USP46: variants seen among roughly 807,000 people sequenced by gnomAD.
USP46 encodes the protein ubiquitin carboxyl-terminal hydrolase 46.
A neutral mutation model predicts 44.4 loss-of-function variants in USP46; 12 were observed. The ratio of observed to expected loss-of-function variants is 0.27; its 90% confidence interval spans 0.17 to 0.44. USP46 has a LOEUF of 0.44. Ranked by LOEUF, USP46 falls within the 20% of genes least tolerant of loss-of-function variation. USP46 has a pLI of 1.00. For missense variants in USP46, 248 were observed against 444.8 expected (o/e 0.56, Z 3.98); for synonymous variants, 155 against 161.5 (o/e 0.96, Z 0.31).
chr4:52,656,876 T>C (rs917405046), intron 1 of USP46, among the ~76,000 whole-genome samples: 5 of 151,448 alleles, frequency 3.3e-5, no homozygotes, highest in African/African-American at 1.2e-4. Context: ...CCAGTCTCTA[T>C]GGAAAATTTA....
intron 1 of USP46, among the ~76,000 whole-genome samples, chr4:52,652,034 G>A (rs1440008036): frequency 6.6e-6 from 1 of 151,950 alleles, no homozygotes; most frequent in Non-Finnish European, 1.5e-5. Flanking sequence ...CATTGTCCCT[G>A]TTTTCAGACA....
intron 4 of USP46, among the ~76,000 whole-genome samples, chr4:52,620,311 G>A (rs1039531631): frequency 1.3e-5 from 2 of 152,210 alleles, no homozygotes; most frequent in Admixed American, 6.5e-5. Flanking sequence ...CAGTGTTACT[G>A]TAGAGTCTGG....
At chr4:52,641,005 G>C (rs1396553972) in intron 1 of USP46, among the ~76,000 whole-genome samples, 1 of 151,678 alleles carries the variant, frequency 6.6e-6, no homozygotes, top group Non-Finnish European at 1.5e-5. Context: ...TGGCTGAGAG[G>C]CTGGGCTGTT....
intron 7 of USP46, among the ~76,000 whole-genome samples, chr4:52,600,299 C>A (rs982548347): frequency 6.6e-6 from 1 of 152,116 alleles, no homozygotes; most frequent in African/African-American, 2.4e-5. Flanking sequence ...CCTGCTGCAA[C>A]TGTGGGCCAG....
intron 1 of USP46, chr4:52,658,354 C>A: frequency 2.2e-6 from 1 of 447,960 alleles, no homozygotes; most frequent in South Asian, 1.6e-5. Context: ...CGGACTGCAT[C>A]AGAACCCAGT....
rs537463025 is a variant in USP46, at chr4:52,626,371, A to G, written c.332-124T>C. 1.3e-5 allele frequency: 10 copies of G among 782,876 alleles called. No individual in the cohort carries two copies. In the East Asian group the frequency reaches 2.4e-4, roughly 19 times the overall value. 48.5% of individuals were successfully genotyped at this position (782,876 alleles called of 1,614,324 possible). ...TGGAGTCTCGCTGTGTCGCCAGGCT[A>G]GAGCGTAGTGGCATGATCTCAGTTC... On this transcript the variant is annotated intron_variant, in intron 3 of 8. Coordinates refer to ENST00000441222, the MANE Select transcript of USP46 (RefSeq NM_022832.4).
At chr4:52,604,972 G>C (rs1716630507) in intron 5 of USP46, among the ~76,000 whole-genome samples, 1 of 152,134 alleles carries the variant, frequency 6.6e-6, no homozygotes, top group African/African-American at 2.4e-5. Flanking sequence ...AAATACTGTT[G>C]AGTAAAAGTT....
Position 52,616,124 on chromosome 4 carries a change from A to C in USP46, c.562-5507T>G, listed in dbSNP as rs1269326574. 2.0e-5 allele frequency among the ~76,000 whole-genome samples: 3 copies of C among 152,326 alleles called. No individual in the cohort carries two copies. In the East Asian group the frequency reaches 5.8e-4, roughly 29 times the overall value. On this transcript the variant is annotated intron_variant, in intron 4 of 8. Transcript: ENST00000441222. ...TATTCTTTTCAACTAAGTAGTTCTC[A>C]ACAGGGGAAATTTGGCTTCCAGGAG...
chr4:52,619,692 T>G (rs1717308315), intron 4 of USP46, among the ~76,000 whole-genome samples: 1 of 152,164 alleles, frequency 6.6e-6, no homozygotes, highest in African/African-American at 2.4e-5. Context: ...TTCTAACAAT[T>G]AGAGCTTTCT....
At chr4:52,656,588 A>C in intron 1 of USP46, 1 of 1,298,514 alleles carries the variant, frequency 7.7e-7, no homozygotes, top group Non-Finnish European at 9.8e-7. Flanking sequence ...AGATGACATA[A>C]CAATGAGAAA....
chr4:52,646,794 C>A (rs1258053512), intron 1 of USP46, among the ~76,000 whole-genome samples: 8 of 152,184 alleles, frequency 5.3e-5, no homozygotes, highest in Non-Finnish European at 1.0e-4. Context: ...CTGAAGCTCA[C>A]TTCTAATAAG....
intron 1 of USP46, among the ~76,000 whole-genome samples, chr4:52,632,989 G>GAAAGAAAGAAAGAAAGAAAGAAAGAAAAA (rs1717954136): frequency 3.1e-5 from 1 of 31,978 alleles, no homozygotes; most frequent in Non-Finnish European, 6.9e-5. Context: ...AGAAAGAAAA[G>GAAAGAAAGAAAGAAAGAAAGAAAGAAAAA]AAAAGAAAGA....
At chr4:52,644,036 C>A (rs556403112) in intron 1 of USP46, among the ~76,000 whole-genome samples, 9 of 152,316 alleles carry the variant, frequency 5.9e-5, no homozygotes, top group Non-Finnish European at 1.2e-4. Flanking sequence ...AACCACCGGG[C>A]ACTTACCCAG....
At chr4:52,622,800 G>A (rs955133635) in intron 4 of USP46, among the ~76,000 whole-genome samples, 2 of 152,178 alleles carry the variant, frequency 1.3e-5, no homozygotes, top group African/African-American at 4.8e-5. Context: ...AGCAACAGGG[G>A]CAGGTGGTGT....
chr4:52,659,038 C>T lies in USP46; in HGVS notation c.36+77G>A. The T allele has an allele frequency of 6.8e-7, 1 of 1,480,684 alleles. No individual in the cohort carries two copies. The highest frequency in any genetic ancestry group is 1.3e-5 in the South Asian group (1 of 78,248). 91.7% of individuals were successfully genotyped at this position (1,480,684 alleles called of 1,614,324 possible). On this transcript the variant is annotated intron_variant, in intron 1 of 8. Coordinates refer to ENST00000441222, the MANE Select transcript of USP46 (RefSeq NM_022832.4). The surrounding 1 kb of genome is among the most constrained non-coding windows in gnomAD (Gnocchi z 4.2). Reference sequence around the variant, plus strand: ...CGCCCCCGCCGCCCCAGCCACCGGGCGTGTGTGCAGCTCGGGCTTCCCTTT... The same window carrying T: ...CGCCCCCGCCGCCCCAGCCACCGGGTGTGTGTGCAGCTCGGGCTTCCCTTT...
chr4:52,653,523 T>G (rs1358169555), intron 1 of USP46, among the ~76,000 whole-genome samples: 1 of 150,190 alleles, frequency 6.7e-6, no homozygotes, highest in Non-Finnish European at 1.5e-5. Context: ...AAAAAAAGAT[T>G]TTGCTGATTG....
intron 4 of USP46, among the ~76,000 whole-genome samples, chr4:52,611,727 A>C (rs1716939277): frequency 6.6e-6 from 1 of 152,112 alleles, no homozygotes; most frequent in Non-Finnish European, 1.5e-5. Context: ...TCTCTACTAA[A>C]AATACAAAAA....
intron 5 of USP46, among the ~76,000 whole-genome samples, chr4:52,607,077 G>C (rs890079052): frequency 2.0e-5 from 3 of 152,126 alleles, no homozygotes; most frequent in African/African-American, 7.2e-5. Flanking sequence ...GGTCACAATA[G>C]CCAAAGAAAG....
chr4:52,604,298 G>T (rs527935105), intron 6 of USP46, among the ~76,000 whole-genome samples: 1 of 151,946 alleles, frequency 6.6e-6, no homozygotes, highest in South Asian at 2.1e-4. Flanking sequence ...GTAAACAATC[G>T]GACAGACAAC....
Sources: allele counts gnomAD v4.1 joint callset (sites outside exome capture counted in the v4.1 genomes callset), GRCh38; gene constraint gnomAD v4.1.1; non-coding constraint Gnocchi (gnomAD v3.1); transcripts MANE v1.5; gene names NCBI Gene and HGNC (gene_info 2026-07-23, HGNC 2026-07-21).